Variants in BACH2 observed in about 807,000 individuals in gnomAD.
BACH2 encodes transcription regulator protein BACH2.
BACH2 carries 5 observed loss-of-function variants against 61.8 expected under a neutral mutation model. The observed-to-expected ratio is 0.08, with a 90% CI of 0.04 to 0.17. The LOEUF (loss-of-function observed/expected upper bound fraction) is 0.17, where lower values mean the gene tolerates loss of function less well. Among genes scored for constraint, BACH2 ranks in the 10% least tolerant of loss-of-function variants. BACH2 has a pLI of 1.00. For synonymous variants in BACH2, 446 were observed against 440.1 expected (o/e 1.01, Z -0.17); for missense variants, 824 against 1,091.1 (o/e 0.76, Z 3.45).
At chr6:90,183,696 C>T (rs893863301) in intron 4 of BACH2, among the ~76,000 whole-genome samples, 8 of 152,228 alleles carry the variant, frequency 5.3e-5, no homozygotes, top group Admixed American at 1.3e-4. Flanking sequence ...CTCTACCATT[C>T]TTCCTGATCT....
chr6:90,055,274 G>A (rs1315078628), intron 5 of BACH2, among the ~76,000 whole-genome samples: 5 of 152,134 alleles, frequency 3.3e-5, no homozygotes, highest in East Asian at 1.9e-4. Context: ...AGAGAAGTCC[G>A]TAAAGGACCC....
At chr6:89,989,904 G>T (rs1157432987) in intron 6 of BACH2, among the ~76,000 whole-genome samples, 1 of 152,224 alleles carries the variant, frequency 6.6e-6, no homozygotes, top group East Asian at 1.9e-4. Flanking sequence ...AATATGCTTA[G>T]AATGTGTGTC....
chr6:90,257,403 A>T (rs772906681), intron 2 of BACH2, among the ~76,000 whole-genome samples: 1 of 152,210 alleles, frequency 6.6e-6, no homozygotes, highest in Non-Finnish European at 1.5e-5. Flanking sequence ...TGACTTTTTG[A>T]TAACAGCCAT....
chr6:90,033,676 T>C (rs1449129959), intron 5 of BACH2, among the ~76,000 whole-genome samples: 1 of 152,068 alleles, frequency 6.6e-6, no homozygotes, highest in Admixed American at 6.6e-5. Context: ...TCAAAATTCT[T>C]TGAAAGAAAA....
intron 5 of BACH2, among the ~76,000 whole-genome samples, chr6:90,051,489 T>C (rs1780044573): frequency 1.3e-5 from 2 of 152,190 alleles, no homozygotes; most frequent in Admixed American, 1.3e-4. Flanking sequence ...TGCACTACAG[T>C]GGCAGAGTTG....
chr6:89,957,255 C>T (rs561204270), intron 6 of BACH2, among the ~76,000 whole-genome samples: 1 of 152,336 alleles, frequency 6.6e-6, no homozygotes, highest in East Asian at 1.9e-4. Context: ...AGGCATCACT[C>T]CTCATCTTAA....
intron 4 of BACH2, among the ~76,000 whole-genome samples, chr6:90,103,660 A>G (rs759408680): frequency 5.9e-5 from 9 of 152,262 alleles, no homozygotes; most frequent in Admixed American, 2.6e-4. Flanking sequence ...TGCTTTTTAA[A>G]GTACTTCCTT....
intron 8 of BACH2, among the ~76,000 whole-genome samples, chr6:89,935,539 G>T (rs1026166442): frequency 2.6e-5 from 4 of 152,200 alleles, no homozygotes; most frequent in Non-Finnish European, 5.9e-5. Context: ...TTAAAACCAT[G>T]AAGCTCTCAG....
intron 4 of BACH2, among the ~76,000 whole-genome samples, chr6:90,121,460 T>A (rs1444918674): frequency 6.6e-6 from 1 of 152,190 alleles, no homozygotes; most frequent in Non-Finnish European, 1.5e-5. Context: ...TTTGCTTATT[T>A]AAATAAAAAC....
At position 89,937,946 on chromosome 6, in the gene BACH2, C is replaced by T. The variant is rs73752857; in HGVS notation, c.2043+198G>A. 7.4e-3 allele frequency among the ~76,000 whole-genome samples: 1,120 copies of T among 151,924 alleles called. 14 individuals are homozygous for T. The highest frequency in any genetic ancestry group is 0.025 in the African/African-American group (1,046 of 41,550). ...TATTACACACCTGCGCGCATGCATG[C>T]GCGTGCAGACACACAAACACACACA... is the stretch of plus-strand genomic sequence containing the variant. On this transcript the variant is annotated intron_variant, in intron 8 of 8. Transcript: ENST00000257749.
At chr6:89,963,284 T>C (rs1369608552) in intron 6 of BACH2, among the ~76,000 whole-genome samples, 1 of 152,026 alleles carries the variant, frequency 6.6e-6, no homozygotes, top group Admixed American at 6.6e-5. Context: ...ACTGTTTTAT[T>C]TTTTATTTTT....
intron 3 of BACH2, among the ~76,000 whole-genome samples, chr6:90,212,465 G>T (rs967651870): frequency 1.3e-5 from 2 of 152,152 alleles, no homozygotes; most frequent in Non-Finnish European, 2.9e-5. Flanking sequence ...GGTTCTCCAT[G>T]ACTTCAGTGT....
intron 5 of BACH2, among the ~76,000 whole-genome samples, chr6:90,059,836 C>G (rs1301549267): frequency 2.6e-5 from 4 of 151,514 alleles, no homozygotes; most frequent in Non-Finnish European, 5.9e-5. Flanking sequence ...GGACATGGAT[C>G]AAGTTGGAAA....
At position 90,008,858 on chromosome 6, in the gene BACH2, TGAAAGAAAGAAAGAAACAAA is replaced by T. The variant is rs1554227510; in HGVS notation, c.-12-22_-12-3del. On this transcript the variant is annotated splice_polypyrimidine_tract_variant and splice_region_variant and intron_variant, in intron 5 of 8. Transcript: ENST00000257749. The surrounding 1 kb of genome is among the most constrained non-coding windows in gnomAD (Gnocchi z 4.1). ...ATCCACAGACATGCCGTTCACACCCTGAAAGAAAGAAAGAAACAAAGAAAGAAAGAAAGAAAGGCTGAGTC... is the reference window on the plus strand; with the variant it reads ...ATCCACAGACATGCCGTTCACACCCTGAAAGAAAGAAAGAAAGGCTGAGTC... The T allele has an allele frequency of 3.7e-5, 59 of 1,610,218 alleles. No individual in the cohort carries two copies. In the African/African-American group the frequency reaches 6.3e-4, roughly 17 times the overall value.
At chr6:90,228,804 C>A (rs545502009) in intron 3 of BACH2, among the ~76,000 whole-genome samples, 25 of 152,278 alleles carry the variant, frequency 1.6e-4, no homozygotes, top group African/African-American at 6.0e-4. Context: ...ATAAGAGAGT[C>A]AAATGAGGCT....
intron 6 of BACH2, among the ~76,000 whole-genome samples, chr6:89,987,428 G>T (rs1484646307): frequency 1.3e-5 from 2 of 152,120 alleles, no homozygotes; most frequent in Non-Finnish European, 2.9e-5. Flanking sequence ...TGATCACTGA[G>T]TCCATGCCCC....
intron 5 of BACH2, among the ~76,000 whole-genome samples, chr6:90,025,927 G>T (rs748404123): frequency 6.6e-6 from 1 of 152,128 alleles, no homozygotes; most frequent in Non-Finnish European, 1.5e-5. Context: ...ATGACTCAAC[G>T]GATCATTTTA....
chr6:90,138,693 G>A (rs1031633352), intron 4 of BACH2, among the ~76,000 whole-genome samples: 1 of 152,078 alleles, frequency 6.6e-6, no homozygotes, highest in Non-Finnish European at 1.5e-5. Context: ...ACACATCCTA[G>A]GAGATAGAAC....
chr6:90,044,397 G>T (rs1779684565), intron 5 of BACH2, among the ~76,000 whole-genome samples: 1 of 152,200 alleles, frequency 6.6e-6, no homozygotes, highest in Non-Finnish European at 1.5e-5. Context: ...CAAAAGGCCA[G>T]AGTGCATGGA....
Sources: allele counts gnomAD v4.1 joint callset (sites outside exome capture counted in the v4.1 genomes callset), GRCh38; gene constraint gnomAD v4.1.1; non-coding constraint Gnocchi (gnomAD v3.1); transcripts MANE v1.5; gene names NCBI Gene and HGNC (gene_info 2026-07-23, HGNC 2026-07-21).